Variants in MGAT5 observed in about 807,000 individuals in gnomAD.
MGAT5 encodes alpha-1,6-mannosylglycoprotein 6-beta-N-acetylglucosaminyltransferase.
In MGAT5, 30 loss-of-function variants were observed where a neutral mutation model predicts 94.3. That is an observed-to-expected ratio of 0.32 (90% CI 0.24 to 0.43). The LOEUF (loss-of-function observed/expected upper bound fraction) is 0.43, where lower values mean the gene tolerates loss of function less well. MGAT5 is among the 20% of genes least tolerant of loss of function. The pLI is 1.00. For missense variants in MGAT5, 691 were observed against 905.5 expected (o/e 0.76, Z 3.04); for synonymous variants, 310 against 322.9 (o/e 0.96, Z 0.43).
At chr2:134,136,033 G>T (rs1289455407) in intron 1 of MGAT5, among the ~76,000 whole-genome samples, 15 of 152,278 alleles carry the variant, frequency 9.9e-5, no homozygotes, top group African/African-American at 3.4e-4. Context: ...GCCAAAATTT[G>T]GCAATTCTTT....
chr2:134,184,147 C>G (rs191211649), intron 1 of MGAT5, among the ~76,000 whole-genome samples: 2 of 152,094 alleles, frequency 1.3e-5, no homozygotes, highest in East Asian at 3.9e-4. Context: ...TTGCATTTTC[C>G]AGCCTCTGAT....
In MGAT5 at chr2:134,428,420, A is replaced by G. The variant is rs1684704629; in HGVS notation, c.1850A>G (p.Asn617Ser). Residue 617 changes from asparagine (N) to serine (S), a missense_variant, in exon 14 of 16, where the codon AAT becomes AGT. Asn to Ser is a conservative substitution (Grantham distance 46). This residue lies in a region of MGAT5 where 260 missense variants were observed against 347.0 expected (regional missense o/e 0.75). Coordinates refer to ENST00000281923, the MANE Select transcript of MGAT5 (RefSeq NM_002410.5). ...FTCEGMLQRI[N>S]AFIEKQDFCH... ...TGCGAGGGGATGCTACAGAGAATCA[A>G]TGCTTTCATTGAAAAACAGGTAAGG... The G allele has an allele frequency of 6.2e-7, 1 of 1,614,058 alleles. No individual in the cohort carries two copies. The highest frequency in any genetic ancestry group is 8.5e-7 in the Non-Finnish European group (1 of 1,179,954).
At chr2:134,292,639 G>A (rs187344176) in intron 2 of MGAT5, among the ~76,000 whole-genome samples, 23 of 152,212 alleles carry the variant, frequency 1.5e-4, no homozygotes, top group South Asian at 4.1e-4. Flanking sequence ...CCTCACCTTT[G>A]CTCTGCCAGT....
At chr2:134,287,105 A>G (rs1191468882) in intron 2 of MGAT5, among the ~76,000 whole-genome samples, 1 of 152,166 alleles carries the variant, frequency 6.6e-6, no homozygotes, top group East Asian at 1.9e-4. Context: ...GATTGTGCAC[A>G]TTGGGGCTCT....
intron 14 of MGAT5, among the ~76,000 whole-genome samples, chr2:134,432,145 A>G (rs1202798927): frequency 6.6e-6 from 1 of 152,244 alleles, no homozygotes; most frequent in East Asian, 1.9e-4. Flanking sequence ...CTTTTGTATT[A>G]GCCTCAGGTC....
chr2:134,160,424 G>T (rs960143546), intron 1 of MGAT5, among the ~76,000 whole-genome samples: 1 of 152,158 alleles, frequency 6.6e-6, no homozygotes, highest in Non-Finnish European at 1.5e-5. Context: ...CGCCTGCCTC[G>T]GCCTCCCAAA....
intron 1 of MGAT5, among the ~76,000 whole-genome samples, chr2:134,141,708 T>G (rs898779917): frequency 6.6e-6 from 1 of 152,112 alleles, no homozygotes; most frequent in Admixed American, 6.5e-5. Context: ...TTGAAAGATA[T>G]GCGGAATTTG....
At chr2:134,147,606 A>AAAAAG (rs1251054869) in intron 1 of MGAT5, among the ~76,000 whole-genome samples, 2 of 150,784 alleles carry the variant, frequency 1.3e-5, no homozygotes, top group Admixed American at 6.6e-5. Flanking sequence ...AAAAAAAAAA[A>AAAAAG]AAAAGAAAAG....
chr2:134,165,390 C>T (rs1687923807), intron 1 of MGAT5, among the ~76,000 whole-genome samples: 1 of 152,050 alleles, frequency 6.6e-6, no homozygotes, highest in Non-Finnish European at 1.5e-5. Context: ...TGTTGGAATT[C>T]AAAGAAGACT....
intron 1 of MGAT5, among the ~76,000 whole-genome samples, chr2:134,247,366 A>AC (rs1392578519): frequency 6.8e-6 from 1 of 147,964 alleles, no homozygotes; most frequent in Non-Finnish European, 1.5e-5. Context: ...AATTAAAAAA[A>AC]AAAAAAAACA....
rs113493233 is a variant in MGAT5, at chr2:134,416,493, G to A, written c.1677+3478G>A. On this transcript the variant is annotated intron_variant, in intron 12 of 15. Transcript: ENST00000281923. ...TCCTTACTTTTTTTTTTTGGAGACC[G>A]GGTCTTGCTCTGCCACCCAGGCTGG... Among the ~76,000 whole-genome samples, 840 of 118,540 alleles carry A rather than the reference G, an allele frequency of 7.1e-3. 10 individuals are homozygous for A. The highest frequency in any genetic ancestry group is 0.028 in the African/African-American group (776 of 27,526). 77.8% of individuals were successfully genotyped at this position (118,540 alleles called of 152,430 possible).
rs1283346611 is a variant in MGAT5, at chr2:134,179,451, C to CG, written c.-143+59163dup. 9.9e-5 allele frequency among the ~76,000 whole-genome samples: 15 copies of CG among 152,232 alleles called. No individual in the cohort carries two copies. The South Asian group carries it at 1.9e-3, about 19-fold the overall frequency. Reference sequence around the variant, plus strand: ...TGAAAATGTTGTGACCAGGGGCTCGCGGGTACCCAACCCTGTATCTTCTCT... The same window carrying CG: ...TGAAAATGTTGTGACCAGGGGCTCGCGGGGTACCCAACCCTGTATCTTCTCT... On this transcript the variant is annotated intron_variant, in intron 1 of 16. Transcript: ENST00000409645.
chr2:134,255,799 C>G (rs1174104618), intron 1 of MGAT5, among the ~76,000 whole-genome samples: 1 of 151,996 alleles, frequency 6.6e-6, no homozygotes, highest in Non-Finnish European at 1.5e-5. Context: ...TGAAGTATGC[C>G]GATTTCAAAT....
chr2:134,182,618 C>A (rs1407014555), intron 1 of MGAT5, among the ~76,000 whole-genome samples: 1 of 152,136 alleles, frequency 6.6e-6, no homozygotes, highest in Non-Finnish European at 1.5e-5. Flanking sequence ...ACAAAACATG[C>A]ACAGCCCTGG....
intron 2 of MGAT5, among the ~76,000 whole-genome samples, chr2:134,311,817 G>T (rs1686683778): frequency 6.6e-6 from 1 of 152,156 alleles, no homozygotes; most frequent in Non-Finnish European, 1.5e-5. Flanking sequence ...TACTTAAAAA[G>T]AAATGGACGA....
At chr2:134,358,603 TTTC>T (rs200903869) in intron 9 of MGAT5, among the ~76,000 whole-genome samples, 3,250 of 152,204 alleles carry the variant, frequency 0.021, 58 homozygotes, top group Middle Eastern at 0.16. Flanking sequence ...GGCGCTGGGG[TTTC>T]TTCTCTTGGT....
intron 1 of MGAT5, among the ~76,000 whole-genome samples, chr2:134,145,996 G>A (rs1573739910): frequency 6.6e-6 from 1 of 152,108 alleles, no homozygotes; most frequent in Non-Finnish European, 1.5e-5. Context: ...CTTGATTTTG[G>A]TTAGCCTGGT....
rs146706164 is a variant in MGAT5 at position 134,254,250 on chromosome 2, C to G, written c.-154C>G. 1.6e-3 allele frequency: 1,355 copies of G among 867,450 alleles called. 5 individuals are homozygous for G. The highest frequency in any genetic ancestry group is 2.0e-3 in the Non-Finnish European group (1,127 of 572,352). The allele number at this position is 867,450 out of a possible 1,614,324, so 53.7% of individuals were successfully genotyped here. ...CCATGACCACTTGGCTAATTCTTCT[C>G]CTCCTTCACAGCAGAATGGAAGTGA... On this transcript the variant is annotated 5_prime_UTR_variant, in exon 1 of 16. Transcript: ENST00000281923.
At chr2:134,174,136 T>C (rs553569099) in intron 1 of MGAT5, among the ~76,000 whole-genome samples, 7 of 152,374 alleles carry the variant, frequency 4.6e-5, no homozygotes, top group Non-Finnish European at 8.8e-5. Context: ...AGGGTGTCCC[T>C]GGGAATTGGA....
Sources: allele counts gnomAD v4.1 joint callset (sites outside exome capture counted in the v4.1 genomes callset), GRCh38; gene constraint gnomAD v4.1.1; regional missense constraint gnomAD v4.1.1; transcripts MANE v1.5; gene names NCBI Gene and HGNC (gene_info 2026-07-23, HGNC 2026-07-21).